UNC5C: variants seen among roughly 807,000 people sequenced by gnomAD.
UNC5C encodes netrin receptor UNC5C.
A neutral mutation model predicts 99.8 loss-of-function variants in UNC5C; 47 were observed. That is an observed-to-expected ratio of 0.47 (90% CI 0.37 to 0.60). The LOEUF (loss-of-function observed/expected upper bound fraction) is 0.60. Among genes scored for constraint, UNC5C ranks in the 20% least tolerant of loss-of-function variants. UNC5C has a pLI of 0.00. For missense variants in UNC5C, 1,062 were observed against 1,165.9 expected, an observed-to-expected ratio of 0.91 and a Z score of 1.30; for synonymous variants, 487 against 452.2, an observed-to-expected ratio of 1.08 and a Z score of -0.98.
At chr4:95,542,965 G>GA (rs1722954210) in intron 1 of UNC5C, among the ~76,000 whole-genome samples, 2 of 151,710 alleles carry the variant, frequency 1.3e-5, no homozygotes, top group South Asian at 2.1e-4. Flanking sequence ...TTTAAAACTA[G>GA]AAAAAAGGGA....
At chr4:95,434,132 A>C (rs1212495830) in intron 1 of UNC5C, among the ~76,000 whole-genome samples, 1 of 151,994 alleles carries the variant, frequency 6.6e-6, no homozygotes. Flanking sequence ...GATTGTAGGG[A>C]CTATATATTT....
chr4:95,456,584 A>G (rs1747433160), intron 1 of UNC5C, among the ~76,000 whole-genome samples: 1 of 152,122 alleles, frequency 6.6e-6, no homozygotes, highest in South Asian at 2.1e-4. Context: ...ATATTGTTTA[A>G]TTTAAAAGAA....
intron 10 of UNC5C, among the ~76,000 whole-genome samples, chr4:95,209,545 C>G (rs1738004258): frequency 6.6e-6 from 1 of 152,152 alleles, no homozygotes; most frequent in Non-Finnish European, 1.5e-5. Context: ...CATTTCCGTT[C>G]TCTTTAAATA....
Position 95,218,531 on chromosome 4 carries a change from A to C in UNC5C, c.1645+438T>G, listed in dbSNP as rs189090359. Among the ~76,000 whole-genome samples, 345 of 152,316 alleles carry C rather than the reference A, an allele frequency of 2.3e-3. 1 individual carries two copies. The highest frequency in any genetic ancestry group is 7.9e-3 in the African/African-American group (328 of 41,570). On this transcript the variant is annotated intron_variant, in intron 9 of 15. Coordinates refer to ENST00000453304, the MANE Select transcript of UNC5C (RefSeq NM_003728.4). ...AATAAATGAAGATTTGATGTCTATT[A>C]TGATACCTCTGATGATCAAAAAATT...
intron 7 of UNC5C, chr4:95,222,275 GAAAAAA>G: frequency 5.2e-6 from 7 of 1,355,742 alleles, no homozygotes; most frequent in Non-Finnish European, 6.7e-6. Context: ...ACCTTGAAAA[GAAAAAA>G]AAATGAAACA....
At chr4:95,199,456 G>A (rs1342145972) in intron 12 of UNC5C, among the ~76,000 whole-genome samples, 1 of 152,142 alleles carries the variant, frequency 6.6e-6, no homozygotes, top group East Asian at 1.9e-4. Context: ...TTCAGGCTAA[G>A]TGCTAGATCC....
chr4:95,491,241 G>A (rs1366181679), intron 1 of UNC5C, among the ~76,000 whole-genome samples: 1 of 151,416 alleles, frequency 6.6e-6, no homozygotes, highest in Non-Finnish European at 1.5e-5. Context: ...ATAATTACAG[G>A]CACAAATGGA....
chr4:95,378,539 G>GC (rs1480152442), intron 1 of UNC5C, among the ~76,000 whole-genome samples: 1 of 152,092 alleles, frequency 6.6e-6, no homozygotes, highest in Non-Finnish European at 1.5e-5. Flanking sequence ...CAGAGTAATA[G>GC]CTTTTGATGG....
intron 1 of UNC5C, among the ~76,000 whole-genome samples, chr4:95,347,884 G>A (rs1165204982): frequency 1.3e-5 from 2 of 152,008 alleles, no homozygotes; most frequent in African/African-American, 4.8e-5. Context: ...ACAAGCACAG[G>A]CAACCAAAGC....
Position 95,224,854 on chromosome 4 carries a change from T to TA in UNC5C, c.1109-4679_1109-4678insT, listed in dbSNP as rs1242694783. On this transcript the variant is annotated intron_variant, in intron 7 of 15. Transcript: ENST00000453304. ...CCAACTTAGGGAATTAAGGAAGAAT[T>TA]TTTTTTTTTTAATTGAGATGAAATT... Among the ~76,000 whole-genome samples the TA allele has an allele frequency of 1.6e-4, 23 of 146,696 alleles. No homozygotes were observed. In the East Asian group the frequency reaches 4.4e-3, roughly 28 times the overall value.
chr4:95,278,265 C>A lies in UNC5C; in HGVS notation c.588G>T (p.Val196=). The change falls in exon 4 of 16, where the codon GTG becomes GTT. Residue 196 remains valine, a synonymous_variant. Coordinates refer to ENST00000453304, the MANE Select transcript of UNC5C (RefSeq NM_003728.4). ...LQCRPPEGIP[V]AEVEWLKNED... is the part of the protein sequence containing the mutation. The stretch of plus-strand genomic sequence containing the variant: ...AAGAATTGTTGTTATTCACCTCAGC[C>A]ACTGGGATCCCTTCAGGTGGTCGAC... 1 of 1,613,776 alleles carries A rather than the reference C, an allele frequency of 6.2e-7. No individual in the cohort carries two copies. The highest frequency in any genetic ancestry group is 8.5e-7 in the Non-Finnish European group (1 of 1,179,700).
At chr4:95,214,136 T>C (rs183530627) in intron 10 of UNC5C, among the ~76,000 whole-genome samples, 120 of 152,338 alleles carry the variant, frequency 7.9e-4, no homozygotes, top group African/African-American at 2.5e-3. Flanking sequence ...GTTTTATGAC[T>C]ATATCCTAAA....
intron 4 of UNC5C, among the ~76,000 whole-genome samples, chr4:95,260,674 C>G (rs946185766): frequency 3.3e-5 from 5 of 152,046 alleles, no homozygotes; most frequent in Non-Finnish European, 7.4e-5. Context: ...GGGATGTGAC[C>G]TTGAGGGGAA....
intron 1 of UNC5C, among the ~76,000 whole-genome samples, chr4:95,389,778 G>T (rs183333681): frequency 6.6e-6 from 1 of 151,758 alleles, no homozygotes; most frequent in Non-Finnish European, 1.5e-5. Flanking sequence ...CTGAATTTCA[G>T]ACAGTATTAA....
Position 95,308,619 on chromosome 4 carries a change from G to A in UNC5C, c.347-6870C>T, listed in dbSNP as rs751726814. The stretch of plus-strand genomic sequence containing the variant: ...AACACAAAAATAAGTTGGGCATGGT[G>A]GCAGGCCCCTGTAATCCCAGCTGCT... On this transcript the variant is annotated intron_variant, in intron 2 of 15. Coordinates refer to ENST00000453304, the MANE Select transcript of UNC5C (RefSeq NM_003728.4). Among the ~76,000 whole-genome samples the A allele has an allele frequency of 5.3e-4, 81 of 151,718 alleles. No individual in the cohort carries two copies. The Middle Eastern group carries it at 0.017, about 32-fold the overall frequency.
intron 1 of UNC5C, among the ~76,000 whole-genome samples, chr4:95,366,812 T>C (rs1271307134): frequency 6.6e-6 from 1 of 151,846 alleles, no homozygotes; most frequent in Non-Finnish European, 1.5e-5. Flanking sequence ...ATTGAGGCTG[T>C]TATTTCAAAA....
intron 1 of UNC5C, among the ~76,000 whole-genome samples, chr4:95,437,812 C>G (rs1333019098): frequency 6.6e-6 from 1 of 152,038 alleles, no homozygotes; most frequent in Non-Finnish European, 1.5e-5. Flanking sequence ...AATAGCCCTA[C>G]TAAGAAAACT....
In UNC5C at chr4:95,267,949, A is replaced by ATTTTTTTTTTT. The variant is rs869293955; in HGVS notation, c.594+10299_594+10309dup. On this transcript the variant is annotated intron_variant, in intron 4 of 15. Coordinates refer to ENST00000453304, the MANE Select transcript of UNC5C (RefSeq NM_003728.4). ...ATGATCCTGTAGGCTGAATTTTGTG[A>ATTTTTTTTTTT]TTTTTTTTTTTTTTTTTTGAGACGG... 2.8e-4 allele frequency among the ~76,000 whole-genome samples: 33 copies of ATTTTTTTTTTT among 117,564 alleles called. 1 individual carries two copies. Among genetic ancestry groups the ATTTTTTTTTTT allele is most frequent in the African/African-American group, 6.9e-4 (20 of 29,162 alleles). 77.1% of individuals were successfully genotyped at this position (117,564 alleles called of 152,430 possible).
intron 1 of UNC5C, among the ~76,000 whole-genome samples, chr4:95,524,999 A>T (rs958144864): frequency 3.3e-5 from 5 of 152,248 alleles, no homozygotes; most frequent in Non-Finnish European, 7.4e-5. Flanking sequence ...GTTCTTTTTT[A>T]AAAATGATGC....
Sources: allele counts gnomAD v4.1 joint callset (sites outside exome capture counted in the v4.1 genomes callset), GRCh38; gene constraint gnomAD v4.1.1; transcripts MANE v1.5; gene names NCBI Gene and HGNC (gene_info 2026-07-23, HGNC 2026-07-21).